Variants in CDYL observed in about 807,000 individuals in gnomAD.
CDYL encodes the protein chromodomain Y like.
Under a neutral mutation model 47.3 loss-of-function variants are expected in CDYL, and 8 were observed. The ratio of observed to expected loss-of-function variants is 0.17; its 90% CI spans 0.10 to 0.31. CDYL has a LOEUF of 0.31. CDYL is among the 10% of genes least tolerant of loss of function. The probability of loss-of-function intolerance (pLI) is 1.00; values close to 1 mark genes in which losing one functional copy is unlikely to be tolerated. For synonymous variants in CDYL, 266 were observed against 265.0 expected (o/e 1.00, Z -0.04); for missense variants, 471 against 701.4 (o/e 0.67, Z 3.71).
At chr6:4,839,180 T>C (rs142303533) in intron 1 of CDYL, among the ~76,000 whole-genome samples, 330 of 152,336 alleles carry the variant, frequency 2.2e-3, no homozygotes, top group African/African-American at 7.5e-3. Flanking sequence ...ATTAGTGATG[T>C]TGAGCATTTT....
At chr6:4,900,777 G>GTGTGTGTGTATATATA (rs1337124010) in intron 2 of CDYL, among the ~76,000 whole-genome samples, 1 of 18,128 alleles carries the variant, frequency 5.5e-5, no homozygotes, top group Non-Finnish European at 1.1e-4. Flanking sequence ...CCGTATACGT[G>GTGTGTGTGTATATATA]TGTATATATA....
At chr6:4,892,537 C>G (rs761398656) in intron 2 of CDYL, among the ~76,000 whole-genome samples, 158 bp downstream of exon 2, 3 of 150,584 alleles carry the variant, frequency 2.0e-5, no homozygotes, top group Non-Finnish European at 4.4e-5. Flanking sequence ...CGCTGGAAGC[C>G]TTTGATATTT....
At chr6:4,791,138 C>T (rs1419360338) in intron 1 of CDYL, among the ~76,000 whole-genome samples, 1 of 152,208 alleles carries the variant, frequency 6.6e-6, no homozygotes, top group African/African-American at 2.4e-5. Flanking sequence ...GACTCATATA[C>T]AGTGGCCAGC....
chr6:4,739,143 A>G (rs369801054), intron 3 of CDYL, among the ~76,000 whole-genome samples: 1 of 151,916 alleles, frequency 6.6e-6, no homozygotes, highest in Non-Finnish European at 1.5e-5. Flanking sequence ...CCTGGGCAAC[A>G]AGAGCAAAAC....
intron 1 of CDYL, among the ~76,000 whole-genome samples, chr6:4,874,654 C>G (rs1339826759): frequency 1.3e-5 from 2 of 152,200 alleles, no homozygotes; most frequent in Non-Finnish European, 2.9e-5. Flanking sequence ...AATGTGTACA[C>G]CTGTGCAACT....
intron 1 of CDYL, among the ~76,000 whole-genome samples, chr6:4,819,723 A>C: frequency 6.6e-6 from 1 of 152,008 alleles, no homozygotes; most frequent in South Asian, 2.1e-4. Context: ...GATCAAATTC[A>C]CCCTCAAGGG....
intron 1 of CDYL, among the ~76,000 whole-genome samples, chr6:4,837,340 A>T (rs2127457047): frequency 6.6e-6 from 1 of 152,380 alleles, no homozygotes; most frequent in Middle Eastern, 3.4e-3. Flanking sequence ...TGTTGTAGTG[A>T]TAGACATAAA....
intron 1 of CDYL, among the ~76,000 whole-genome samples, chr6:4,792,146 C>G (rs887378310): frequency 6.6e-6 from 1 of 151,618 alleles, no homozygotes; most frequent in East Asian, 1.9e-4. Context: ...CCCGCCTCGG[C>G]CTCCCAAGGT....
At chr6:4,790,962 T>C (rs1056543651) in intron 1 of CDYL, among the ~76,000 whole-genome samples, 2 of 152,194 alleles carry the variant, frequency 1.3e-5, no homozygotes, top group Non-Finnish European at 2.9e-5. Flanking sequence ...CATCAGCAAG[T>C]GCTCACTTTG....
Position 4,914,653 on chromosome 6 carries a change from C to T in CDYL, c.692-20862C>T, listed in dbSNP as rs564864635. On this transcript the variant is annotated intron_variant, in intron 2 of 6. Transcript: ENST00000397588. ...CTGTAACCAGCGTTTTAGCTGTGCA[C>T]GGGCCTATTCTTCATTCTGAGCTAT... 6.6e-5 allele frequency among the ~76,000 whole-genome samples: 10 copies of T among 152,280 alleles called. No individual in the cohort carries two copies. The East Asian group carries it at 1.7e-3, about 26-fold the overall frequency.
At chr6:4,762,962 C>G (rs1219461409) in intron 3 of CDYL, among the ~76,000 whole-genome samples, 1 of 152,074 alleles carries the variant, frequency 6.6e-6, no homozygotes, top group Non-Finnish European at 1.5e-5. Flanking sequence ...AGGATAAATA[C>G]ACAAACGAAT....
In CDYL at chr6:4,766,525, A is replaced by G. The variant is rs569116751; in HGVS notation, c.186+31681A>G. ...GGCGCCCGGCCCTGAATATTTCTTTATTAAAGAATTTGAATCTATAATTTA... is the reference window on the plus strand; with the variant it reads ...GGCGCCCGGCCCTGAATATTTCTTTGTTAAAGAATTTGAATCTATAATTTA... On this transcript the variant is annotated intron_variant, in intron 3 of 8. Transcript: ENST00000328908. 5.9e-5 allele frequency among the ~76,000 whole-genome samples: 9 copies of G among 152,190 alleles called. No individual in the cohort carries two copies. The South Asian group carries it at 1.7e-3, about 28-fold the overall frequency.
intron 1 of CDYL, among the ~76,000 whole-genome samples, chr6:4,863,658 C>G (rs1486306883): frequency 6.6e-6 from 1 of 152,164 alleles, no homozygotes; most frequent in Non-Finnish European, 1.5e-5. Context: ...CCATTTTGTT[C>G]TACAAGCATG....
chr6:4,923,817 C>CATGA (rs1757787885), intron 2 of CDYL, among the ~76,000 whole-genome samples: 1 of 148,852 alleles, frequency 6.7e-6, no homozygotes, highest in Admixed American at 6.9e-5. Context: ...AGGAGAATGG[C>CATGA]GTGAACCCGG....
intron 1 of CDYL, among the ~76,000 whole-genome samples, chr6:4,800,556 G>A (rs926162492): frequency 4.6e-5 from 7 of 152,048 alleles, no homozygotes; most frequent in African/African-American, 1.7e-4. Flanking sequence ...GCTCTAAGTT[G>A]CCATCTAGTG....
chr6:4,832,169 T>C (rs1381185547), intron 1 of CDYL, among the ~76,000 whole-genome samples: 1 of 152,198 alleles, frequency 6.6e-6, no homozygotes, highest in Admixed American at 6.5e-5. Flanking sequence ...TCAAAGGGAA[T>C]GCTTCCAGTT....
intron 1 of CDYL, among the ~76,000 whole-genome samples, chr6:4,813,619 G>A (rs1759587491): frequency 1.3e-5 from 2 of 152,144 alleles, no homozygotes; most frequent in Admixed American, 6.5e-5. Flanking sequence ...ATCCATTTGT[G>A]CATGTGTGTG....
At chr6:4,857,395 G>A (rs1293357011) in intron 1 of CDYL, among the ~76,000 whole-genome samples, 1 of 152,214 alleles carries the variant, frequency 6.6e-6, no homozygotes, top group Non-Finnish European at 1.5e-5. Flanking sequence ...TTTAAGGGTA[G>A]TTGCAAATGT....
chr6:4,910,106 A>T (rs953138085), intron 2 of CDYL, among the ~76,000 whole-genome samples: 1 of 149,528 alleles, frequency 6.7e-6, no homozygotes, highest in African/African-American at 2.5e-5. Context: ...CTGGGAGAAG[A>T]CTCCCCGATT....
Sources: allele counts gnomAD v4.1 joint callset (sites outside exome capture counted in the v4.1 genomes callset), GRCh38; gene constraint gnomAD v4.1.1; transcripts MANE v1.5; gene names NCBI Gene and HGNC (gene_info 2026-07-23, HGNC 2026-07-21).